Variants in DOCK8 observed in about 807,000 individuals in gnomAD.
DOCK8 encodes the protein dedicator of cytokinesis protein 8.
A neutral mutation model predicts 245.6 loss-of-function variants in DOCK8; 141 were observed. The ratio of observed to expected loss-of-function variants is 0.57; its 90% CI spans 0.50 to 0.66. The LOEUF (loss-of-function observed/expected upper bound fraction) is 0.66. Among genes scored for constraint, DOCK8 ranks in the 30% least tolerant of loss-of-function variants. The pLI, the probability that DOCK8 is intolerant of heterozygous loss-of-function variation, is 0.00. For missense variants in DOCK8, 2,965 were observed against 2,603.4 expected (o/e 1.14, Z -3.02); for synonymous variants, 1,168 against 970.2 (o/e 1.20, Z -3.79).
At chr9:228,720 C>G (rs748888860) in intron 1 of DOCK8, among the ~76,000 whole-genome samples, 5 of 152,078 alleles carry the variant, frequency 3.3e-5, no homozygotes, top group Non-Finnish European at 5.9e-5. Flanking sequence ...ACAAACCACC[C>G]CAAAGTTTAG....
intron 10 of DOCK8, among the ~76,000 whole-genome samples, chr9:333,493 CAGG>C (rs1227912237): frequency 6.6e-6 from 1 of 151,864 alleles, no homozygotes; most frequent in Non-Finnish European, 1.5e-5. Flanking sequence ...CCCAGCTTCT[CAGG>C]AGGCTGAGGC....
chr9:428,591 A>G (rs1265472302), intron 35 of DOCK8, 95 bp downstream of exon 35: 1 of 1,480,346 alleles, frequency 6.8e-7, no homozygotes, highest in Non-Finnish European at 9.3e-7. Context: ...AAAGTCACAG[A>G]GCATATTAAG....
chr9:401,575 C>G (rs559684532), intron 26 of DOCK8, among the ~76,000 whole-genome samples: 1 of 152,072 alleles, frequency 6.6e-6, no homozygotes, highest in Non-Finnish European at 1.5e-5. Context: ...GCAAAGGAGG[C>G]AGGCACTAAA....
intron 28 of DOCK8, among the ~76,000 whole-genome samples, chr9:411,374 A>G (rs1274768844): frequency 6.6e-6 from 1 of 152,070 alleles, no homozygotes; most frequent in East Asian, 1.9e-4. Flanking sequence ...GATCATGCCA[A>G]TGCACTCCAG....
At chr9:235,905 C>T (rs1232575970) in intron 1 of DOCK8, among the ~76,000 whole-genome samples, 1 of 152,242 alleles carries the variant, frequency 6.6e-6, no homozygotes, top group Non-Finnish European at 1.5e-5. Context: ...GCTGCACCCA[C>T]TGTCCTGTAC....
intron 1 of DOCK8, among the ~76,000 whole-genome samples, chr9:229,035 G>A (rs955980627): frequency 1.2e-4 from 19 of 152,170 alleles, no homozygotes; most frequent in Admixed American, 1.2e-3. Context: ...GAAGCTGCAA[G>A]GCTTCTTGAG....
At chr9:247,098 A>C (rs2047523797) in intron 1 of DOCK8, among the ~76,000 whole-genome samples, 1 of 152,216 alleles carries the variant, frequency 6.6e-6, no homozygotes, top group Non-Finnish European at 1.5e-5. Context: ...AAGCATTCTG[A>C]ATGACCTGAG....
intron 1 of DOCK8, among the ~76,000 whole-genome samples, chr9:239,859 A>C (rs2047340252): frequency 6.6e-6 from 1 of 152,178 alleles, no homozygotes; most frequent in Non-Finnish European, 1.5e-5. Context: ...CATGTCATTA[A>C]ATATTGTTGC....
chr9:417,837 T>G (rs929282179), intron 29 of DOCK8, among the ~76,000 whole-genome samples: 2 of 152,218 alleles, frequency 1.3e-5, no homozygotes, highest in Non-Finnish European at 2.9e-5. Flanking sequence ...GTTTGAAAAC[T>G]TTTTGTTCAC....
At chr9:213,706 G>C (rs1403249810), upstream of DOCK8, 1 of 148,576 alleles carries the variant, frequency 6.7e-6, no homozygotes, top group East Asian at 2.0e-4. Context: ...GTGCAGGTTT[G>C]AACCAAAAAT....
At chr9:324,551 T>C (rs187823008) in intron 7 of DOCK8, among the ~76,000 whole-genome samples, 108 of 152,194 alleles carry the variant, frequency 7.1e-4, no homozygotes, top group African/African-American at 2.4e-3. Flanking sequence ...TCGAGGGGAA[T>C]TGGCAATTAG....
At chr9:311,548 G>C (rs114492180) in intron 5 of DOCK8, among the ~76,000 whole-genome samples, 1,803 of 151,888 alleles carry the variant, frequency 0.012, 34 homozygotes, top group African/African-American at 0.042. Flanking sequence ...CACTGCACCT[G>C]GCCCAGTCTC....
chr9:352,544 C>G (rs889081685), intron 14 of DOCK8, among the ~76,000 whole-genome samples: 1 of 151,972 alleles, frequency 6.6e-6, no homozygotes, highest in African/African-American at 2.4e-5. Context: ...GAGTTTGAAA[C>G]CAGCCTGGCC....
intron 1 of DOCK8, among the ~76,000 whole-genome samples, chr9:221,495 T>G (rs1316327396): frequency 6.6e-6 from 1 of 152,138 alleles, no homozygotes; most frequent in Non-Finnish European, 1.5e-5. Context: ...TTAAGTATTA[T>G]AAATAATCTA....
intron 4 of DOCK8, among the ~76,000 whole-genome samples, chr9:303,031 T>C (rs942001781): frequency 6.6e-6 from 1 of 151,268 alleles, no homozygotes; most frequent in Non-Finnish European, 1.5e-5. Flanking sequence ...TATGGTGGCG[T>C]GTACCTATAC....
intron 16 of DOCK8, among the ~76,000 whole-genome samples, chr9:371,072 G>A (rs917465176): frequency 3.3e-5 from 5 of 152,146 alleles, no homozygotes; most frequent in Non-Finnish European, 7.3e-5. Context: ...GCTAGGCTTG[G>A]TTCCTTGGGT....
At chr9:370,172 T>A in intron 15 of DOCK8, 58 bp from the exon 16 acceptor site, 1 of 1,403,464 alleles carries the variant, frequency 7.1e-7, no homozygotes, top group Non-Finnish European at 1.0e-6. Flanking sequence ...CTGATGATAG[T>A]CAATTTGATG....
intron 4 of DOCK8, among the ~76,000 whole-genome samples, chr9:296,496 A>C (rs2049264277): frequency 6.6e-6 from 1 of 152,198 alleles, no homozygotes; most frequent in African/African-American, 2.4e-5. Context: ...GGGGTGATTA[A>C]GGTAATTCTG....
At chr9:381,071 A>T (rs1394645052) in intron 21 of DOCK8, 1 of 152,324 alleles carries the variant, frequency 6.6e-6, no homozygotes, top group South Asian at 2.1e-4. Context: ...ACTGCACTCC[A>T]GCCTGGGAAA....
Sources: gnomAD v4.1 joint callset for allele counts (sites outside exome capture counted in the v4.1 genomes callset) on GRCh38, gnomAD v4.1.1 for gene constraint, MANE v1.5 for transcripts, NCBI Gene and HGNC (gene_info 2026-07-23, HGNC 2026-07-21) for gene names.